Variants in TFAP2E observed in about 807,000 individuals in gnomAD.
The protein encoded by TFAP2E is transcription factor AP-2 epsilon.
A neutral mutation model predicts 37.9 loss-of-function variants in TFAP2E; 30 were observed. The ratio of observed to expected loss-of-function variants is 0.79; its 90% CI spans 0.59 to 1.07. TFAP2E has a LOEUF of 1.07. Ranked by LOEUF, TFAP2E falls within the 50% of genes least tolerant of loss-of-function variation. The pLI, the probability that TFAP2E is intolerant of heterozygous loss-of-function variation, is 0.00. For missense variants in TFAP2E, 567 were observed against 637.9 expected (o/e 0.89, Z 1.20); for synonymous variants, 318 against 295.8 (o/e 1.08, Z -0.77).
At chr1:35,587,045 G>A (rs1649501775) in intron 3 of TFAP2E, among the ~76,000 whole-genome samples, 1 of 152,204 alleles carries the variant, frequency 6.6e-6, no homozygotes, top group African/African-American at 2.4e-5. Context: ...AGTGATAAGT[G>A]TAGCCCCTTG....
chr1:35,573,629 T>C lies in TFAP2E; in HGVS notation c.27+25T>C, dbSNP rs1338448517. On this transcript the variant is annotated intron_variant, in intron 1 of 6. Coordinates refer to ENST00000373235, the MANE Select transcript of TFAP2E (RefSeq NM_178548.4). The surrounding 1 kb of genome is among the most constrained non-coding windows in gnomAD (Gnocchi z 5.9). ...GGTGAGTAGTCTCGGGCCCGGGACA[T>C]ATTCGGCCGGGGGATCGGGGCGCCT... 7.8e-6 allele frequency: 12 copies of C among 1,537,928 alleles called. No individual in the cohort carries two copies. In the Admixed American group the frequency reaches 2.0e-4, roughly 26 times the overall value.
intron 3 of TFAP2E, among the ~76,000 whole-genome samples, chr1:35,579,686 C>A (rs892719462): frequency 1.3e-5 from 2 of 152,074 alleles, no homozygotes; most frequent in African/African-American, 2.4e-5. Context: ...TGAGCCACCA[C>A]GCTTGGCCTT....
rs1649647625 is a variant in TFAP2E, at chr1:35,590,916, G to GCA, written c.1046+150_1046+151dup. 2.0e-6 allele frequency: 2 copies of GCA among 1,001,520 alleles called. No individual in the cohort carries two copies. Among genetic ancestry groups the GCA allele is most frequent in the Non-Finnish European group, 2.6e-6 (2 of 763,090 alleles). The allele number at this position is 1,001,520 out of a possible 1,614,324, so 62.0% of individuals were successfully genotyped here. A position where few individuals can be genotyped will look rare whatever the true frequency, so the allele number is the denominator to read the frequency against. Reference sequence around the variant, plus strand: ...GCACCACTGTGTACACGAGCAGTGGGCACACACACATACGTGCGCACCACT... The same window carrying GCA: ...GCACCACTGTGTACACGAGCAGTGGGCACACACACACATACGTGCGCACCACT... On this transcript the variant is annotated intron_variant, in intron 6 of 6. Transcript: ENST00000373235. This position sits in a 1 kb window ranked among gnomAD's most constrained non-coding sequence, Gnocchi z 6.2.
chr1:35,589,769 G>T (rs1009252145), intron 4 of TFAP2E, among the ~76,000 whole-genome samples, 161 bp from the exon 5 acceptor site: 1 of 152,118 alleles, frequency 6.6e-6, no homozygotes, highest in Non-Finnish European at 1.5e-5. Context: ...ATGGAGATTA[G>T]TTGCGCCCTT....
Position 35,573,519 on chromosome 1 carries a change from C to T in TFAP2E, c.-59C>T. 4.1e-6 allele frequency: 6 copies of T among 1,460,542 alleles called. No individual in the cohort carries two copies. In the South Asian group the frequency reaches 8.3e-5, roughly 20 times the overall value. The allele number at this position is 1,460,542 out of a possible 1,614,324, so 90.5% of individuals were successfully genotyped here. On this transcript the variant is annotated 5_prime_UTR_variant, in exon 1 of 7. Coordinates refer to ENST00000373235, the MANE Select transcript of TFAP2E (RefSeq NM_178548.4). The surrounding 1 kb of genome is among the most constrained non-coding windows in gnomAD (Gnocchi z 5.9). ...GCTCCCGGCGCCTCTGCCCGCAGCG[C>T]TCGCCGTCGGGCTAGGGCTCCGCCG...
rs1649765391 is a variant in TFAP2E at position 35,594,260 on chromosome 1, T to G, written c.1047-134T>G. The G allele has an allele frequency of 3.6e-6, 4 of 1,118,272 alleles. No individual in the cohort carries two copies. The East Asian group carries it at 1.0e-4, about 29-fold the overall frequency. 69.3% of individuals were successfully genotyped at this position (1,118,272 alleles called of 1,614,324 possible). A position where few individuals can be genotyped will look rare whatever the true frequency, so the allele number is the denominator to read the frequency against. The stretch of plus-strand genomic sequence containing the variant: ...GTTTCCTTTTCTGTAAAAAACAGTA[T>G]GGTCATCATTTGCAGACTGTTGGGA... On this transcript the variant is annotated intron_variant, in intron 6 of 6. Coordinates refer to ENST00000373235, the MANE Select transcript of TFAP2E (RefSeq NM_178548.4).
At chr1:35,580,124 C>T (rs1284738698) in intron 3 of TFAP2E, among the ~76,000 whole-genome samples, 4 of 151,944 alleles carry the variant, frequency 2.6e-5, no homozygotes, top group South Asian at 4.2e-4. Context: ...ACAGGAAAAT[C>T]GCTTGAACCC....
chr1:35,587,000 C>A (rs1649500685), intron 3 of TFAP2E, among the ~76,000 whole-genome samples: 2 of 152,220 alleles, frequency 1.3e-5, no homozygotes, highest in Admixed American at 6.5e-5. Context: ...CTTCACCTCT[C>A]TGGACATCAG....
Position 35,588,203 on chromosome 1 carries a change from C to T in TFAP2E, c.563-127C>T. On this transcript the variant is annotated intron_variant, in intron 3 of 6. Transcript: ENST00000373235. The surrounding 1 kb of genome is among the most constrained non-coding windows in gnomAD (Gnocchi z 5.1). ...AGTTCACATCCATCAGTTGAGGGAACTTGGGCGAGTCACTTTCACCTCACT... is the reference window on the plus strand; with the variant it reads ...AGTTCACATCCATCAGTTGAGGGAATTTGGGCGAGTCACTTTCACCTCACT... 2 of 918,180 alleles carry T rather than the reference C, an allele frequency of 2.2e-6. No homozygotes were observed. Among genetic ancestry groups the T allele is most frequent in the East Asian group, 5.3e-5 (2 of 37,608 alleles). 56.9% of individuals were successfully genotyped at this position (918,180 alleles called of 1,614,324 possible).
intron 3 of TFAP2E, among the ~76,000 whole-genome samples, chr1:35,581,597 A>G (rs1336467058): frequency 7.0e-6 from 1 of 143,712 alleles, no homozygotes; most frequent in Non-Finnish European, 1.5e-5. Context: ...TTTGAGATGG[A>G]GTTTCACTCT....
intron 3 of TFAP2E, among the ~76,000 whole-genome samples, chr1:35,585,205 G>C (rs890890824): frequency 6.6e-6 from 1 of 152,158 alleles, no homozygotes; most frequent in African/African-American, 2.4e-5. Flanking sequence ...CATCCCAGGA[G>C]GCACTTCACA....
chr1:35,574,565 G>C, intron 2 of TFAP2E, 156 bp downstream of exon 2: 2 of 1,291,000 alleles, frequency 1.5e-6, no homozygotes, highest in Non-Finnish European at 2.0e-6. Flanking sequence ...TCCTGGGTTA[G>C]ACGTTGCCTG....
chr1:35,583,195 C>T (rs1416662525), intron 3 of TFAP2E, among the ~76,000 whole-genome samples: 1 of 152,194 alleles, frequency 6.6e-6, no homozygotes, highest in Non-Finnish European at 1.5e-5. Flanking sequence ...GCCACCACAC[C>T]TGGCCTATCA....
Position 35,590,856 on chromosome 1 carries a change from G to A in TFAP2E, c.1046+81G>A, listed in dbSNP as rs972883622. 3.8e-6 allele frequency: 5 copies of A among 1,311,042 alleles called. No individual in the cohort carries two copies. Among genetic ancestry groups the A allele is most frequent in the Non-Finnish European group, 4.9e-6 (5 of 1,017,208 alleles). 81.2% of individuals were successfully genotyped at this position (1,311,042 alleles called of 1,614,324 possible). A position where few individuals can be genotyped will look rare whatever the true frequency, so the allele number is the denominator to read the frequency against. On this transcript the variant is annotated intron_variant, in intron 6 of 6. Coordinates refer to ENST00000373235, the MANE Select transcript of TFAP2E (RefSeq NM_178548.4). This position sits in a 1 kb window ranked among gnomAD's most constrained non-coding sequence, Gnocchi z 6.2. ...ATGTATGGGCACAATGGACACCACT[G>A]TGTACATGAGCAGTGGGCACACATG...
rs552765260 is a variant in TFAP2E at position 35,588,482 on chromosome 1, G to C, written c.715G>C (p.Gly239Arg). The C allele has an allele frequency of 6.2e-7, 1 of 1,609,240 alleles. No homozygotes were observed. The highest frequency in any genetic ancestry group is 1.1e-5 in the South Asian group (1 of 91,050). ...AACGTCCAAGTACAAGGTGACGGTG[G>C]GGGAGGTGCAGCGGCGACTCTCGCC... ...SSTSKYKVTV[G>R]EVQRRLSPPE... Residue 239 changes from glycine (G) to arginine (R), a missense_variant, in exon 4 of 7, where the codon GGG becomes CGG. Physicochemically the swap from Gly to Arg is moderately radical, Grantham distance 125. Transcript: ENST00000373235. The surrounding 1 kb of genome is among the most constrained non-coding windows in gnomAD (Gnocchi z 5.1).
At chr1:35,579,252 T>A (rs567396340) in intron 3 of TFAP2E, among the ~76,000 whole-genome samples, 5 of 150,288 alleles carry the variant, frequency 3.3e-5, no homozygotes, top group African/African-American at 4.9e-5. Context: ...AAAAATTAGC[T>A]GGGTGGGGTG....
At position 35,595,249 on chromosome 1, in the gene TFAP2E, C is replaced by T. The variant is rs1392247061; in HGVS notation, c.*573C>T. The T allele has an allele frequency of 6.4e-6, 1 of 156,696 alleles. No homozygotes were observed. Among genetic ancestry groups the T allele is most frequent in the East Asian group, 1.9e-4 (1 of 5,214 alleles). 9.7% of individuals were successfully genotyped at this position (156,696 alleles called of 1,614,324 possible). On this transcript the variant is annotated 3_prime_UTR_variant, in exon 7 of 7. Transcript: ENST00000373235. ...AAGCACAAATCGCAGAACTTGAATCCAGGCTGCTGCTCATCATAGTCCTGT... is the reference window on the plus strand; with the variant it reads ...AAGCACAAATCGCAGAACTTGAATCTAGGCTGCTGCTCATCATAGTCCTGT...
rs964011182 is a variant in TFAP2E, at chr1:35,574,859, GCAGA to G, written c.511-85_511-82del. The G allele has an allele frequency of 2.5e-6, 4 of 1,580,284 alleles. No individual in the cohort carries two copies. In the African/African-American group the frequency reaches 5.4e-5, roughly 21 times the overall value. ...GCGAAGCTGGTGCGCCTTGGGCGGA[GCAGA>G]CAGAGACCCTGGGTGGCAGGGGCTT... is the stretch of plus-strand genomic sequence containing the variant. On this transcript the variant is annotated intron_variant, in intron 2 of 6. Coordinates refer to ENST00000373235, the MANE Select transcript of TFAP2E (RefSeq NM_178548.4).
chr1:35,574,226 C>A lies in TFAP2E; in HGVS notation c.327C>A (p.Ala109=). 1 of 1,243,142 alleles carries A rather than the reference C, an allele frequency of 8.0e-7. No individual in the cohort carries two copies. The allele number at this position is 1,243,142 out of a possible 1,614,324, so 77.0% of individuals were successfully genotyped here. A position where few individuals can be genotyped will look rare whatever the true frequency, so the allele number is the denominator to read the frequency against. The stretch of plus-strand genomic sequence containing the variant: ...CCGCGCCCCGCGCAGCCGCCCGCGC[C>A]CACGAGGAGCCTCCCGGCCTGCTGG... ...AWAAPRAAAR[A]HEEPPGLLAP... The change falls in exon 2 of 7, where the codon GCC becomes GCA. Residue 109 remains alanine, a synonymous_variant. Transcript: ENST00000373235.
Sources: allele counts gnomAD v4.1 joint callset (sites outside exome capture counted in the v4.1 genomes callset), GRCh38; gene constraint gnomAD v4.1.1; non-coding constraint Gnocchi (gnomAD v3.1); transcripts MANE v1.5; gene names NCBI Gene and HGNC (gene_info 2026-07-23, HGNC 2026-07-21).